RAB40A: variants seen among roughly 807,000 people sequenced by gnomAD.
The protein encoded by RAB40A is ras-related protein Rab-40A.
For missense variants in RAB40A, 145 were observed against 230.2 expected (o/e 0.63, Z 2.40); for synonymous variants, 65 against 99.9 (o/e 0.65, Z 2.08).
rs376972575 is a variant in RAB40A, at chrX:103,519,380, T to C, written c.-233A>G. On this transcript the variant is annotated 5_prime_UTR_variant, in exon 1 of 3. Coordinates refer to ENST00000304236, the MANE Select transcript of RAB40A (RefSeq NM_080879.3). ...TTTGATTTGGAAAACCTTTCTCCTG[T>C]AGCCAGTCCACCTCCATGTGCTTGA... The C allele has an allele frequency of 1.1e-3, 125 of 111,787 alleles. No individual in the cohort carries two copies. The highest frequency in any genetic ancestry group is 4.2e-3 in the East Asian group (15 of 3,564). 9.2% of individuals were successfully genotyped at this position (111,787 alleles called of 1,213,427 possible). A position where few individuals can be genotyped will look rare whatever the true frequency, so the allele number is the denominator to read the frequency against.
chrX:103,512,778 C>T (rs1569377042), intron 2 of RAB40A, among the ~76,000 whole-genome samples: 1 of 111,204 alleles, frequency 9.0e-6, no homozygotes. Context: ...ATTACATTTG[C>T]ATAATATAAC....
intron 2 of RAB40A, among the ~76,000 whole-genome samples, chrX:103,516,723 T>C (rs2073318546): frequency 9.0e-6 from 1 of 111,545 alleles, no homozygotes; most frequent in South Asian, 3.8e-4. Flanking sequence ...TAGATCTTTC[T>C]AAGGATTTTT....
chrX:103,499,900 C>T lies in RAB40A; in HGVS notation c.*23G>A. On this transcript the variant is annotated 3_prime_UTR_variant, in exon 3 of 3. Transcript: ENST00000304236. ...AGAGTTTTTCCTGGAGCGATTCCAG[C>T]TTGTTTCCTTTTGGTGCCTTCCTTA... 8.3e-7 allele frequency: 1 copy of T among 1,205,385 alleles called. No individual in the cohort carries two copies. The highest frequency in any genetic ancestry group is 1.1e-6 in the Non-Finnish European group (1 of 889,983).
chrX:103,503,723 T>C (rs1303346476), intron 2 of RAB40A, among the ~76,000 whole-genome samples: 2 of 111,125 alleles, frequency 1.8e-5, no homozygotes, highest in Non-Finnish European at 3.8e-5. Context: ...TCTGGAATTA[T>C]TCACCTAACG....
In RAB40A at chrX:103,500,911, A is replaced by G. The variant is rs890602726; in HGVS notation, c.-70-85T>C. On this transcript the variant is annotated intron_variant, in intron 2 of 2. Coordinates refer to ENST00000304236, the MANE Select transcript of RAB40A (RefSeq NM_080879.3). ...CGAAATGAGGTGGTGGCTTTGATGG[A>G]TTTCTTTTACAAACCCTAGGAAACT... The G allele has an allele frequency of 1.3e-5, 13 of 1,009,125 alleles. No individual in the cohort carries two copies. In the Admixed American group the frequency reaches 4.3e-4, roughly 33 times the overall value. 83.2% of individuals were successfully genotyped at this position (1,009,125 alleles called of 1,213,427 possible). A position where few individuals can be genotyped will look rare whatever the true frequency, so the allele number is the denominator to read the frequency against.
chrX:103,500,670 C>A lies in RAB40A; in HGVS notation c.87G>T (p.Glu29Asp), dbSNP rs768429730. The change falls in exon 3 of 3, where the codon GAG becomes GAT. Residue 29 changes from glutamate to aspartate, a missense_variant. Physicochemically the swap from Glu to Asp is conservative, Grantham distance 45. Transcript: ENST00000304236. ...CACCATCCTGCAGGCTCTCCAGGAT[C>A]TCACTCTTGCCTACGTCCCTGTCGC... is the stretch of plus-strand genomic sequence containing the variant. ...LVGDRDVGKS[E>D]ILESLQDGAA... 2.2e-5 allele frequency: 26 copies of A among 1,208,352 alleles called. No homozygotes were observed. In the Admixed American group the frequency reaches 5.7e-4, roughly 26 times the overall value.
At chrX:103,517,721 A>C (rs905471638) in intron 1 of RAB40A, among the ~76,000 whole-genome samples, 196 bp from the exon 2 acceptor site, 1 of 112,413 alleles carries the variant, frequency 8.9e-6, no homozygotes, top group African/African-American at 3.2e-5. Context: ...AAAAGATAAA[A>C]AGGCAGAAGC....
At chrX:103,493,416 C>T in the RAB40A span, among the ~76,000 whole-genome samples, 1 of 111,529 alleles carries the variant, frequency 9.0e-6, no homozygotes, top group African/African-American at 3.3e-5. Flanking sequence ...AGCATTTATC[C>T]TTTGTGTTAC....
chrX:103,511,646 A>G (rs1306628921), intron 2 of RAB40A, among the ~76,000 whole-genome samples: 1 of 110,253 alleles, frequency 9.1e-6, no homozygotes. Context: ...GAGTTGAACA[A>G]TGAGAACACA....
At chrX:103,516,938 C>G (rs1050439427) in intron 2 of RAB40A, among the ~76,000 whole-genome samples, 6 of 111,012 alleles carry the variant, frequency 5.4e-5, no homozygotes, top group East Asian at 2.8e-4. Flanking sequence ...TTTAATGAAC[C>G]CTTTACAGCT....
At chrX:103,514,303 T>A (rs1322378641) in intron 2 of RAB40A, among the ~76,000 whole-genome samples, 1 of 112,174 alleles carries the variant, frequency 8.9e-6, no homozygotes, top group African/African-American at 3.2e-5. Context: ...TGTTAATGAT[T>A]ACTCCTTTGT....
intron 2 of RAB40A, among the ~76,000 whole-genome samples, chrX:103,516,472 A>AT (rs943923415): frequency 7.2e-5 from 8 of 111,387 alleles, no homozygotes; most frequent in Admixed American, 1.9e-4. Flanking sequence ...TGTTGCCAGG[A>AT]TTTTTTTGAT....
At chrX:103,504,802 G>A (rs752704128) in intron 2 of RAB40A, among the ~76,000 whole-genome samples, 11 of 112,327 alleles carry the variant, frequency 9.8e-5, no homozygotes, top group East Asian at 5.6e-4. Context: ...GATTCCAGGC[G>A]TGAGCCACCA....
At chrX:103,503,452 T>A in intron 2 of RAB40A, 1 of 751,230 alleles carries the variant, frequency 1.3e-6, no homozygotes, top group Non-Finnish European at 1.6e-6. Flanking sequence ...AGGGAAGAGA[T>A]AAATCAGTGA....
At chrX:103,504,852 A>C (rs1367084761) in intron 2 of RAB40A, among the ~76,000 whole-genome samples, 1 of 112,573 alleles carries the variant, frequency 8.9e-6, no homozygotes, top group Non-Finnish European at 1.9e-5. Flanking sequence ...ATTGCCTTGA[A>C]TATTTTAATT....
rs765895461 is a variant in RAB40A at position 103,499,994 on chromosome X, T to C, written c.763A>G (p.Lys255Glu). ...TGGGGTGGGCAGACGATCTCCACTT[T>C]GCAGAGGCTGCTCTTGTGAGTGGAG... The part of the protein sequence containing the change: ...TSSTHKSSLC[K>E]VEIVCPPQSP... The change falls in exon 3 of 3, where the codon AAA (lysine) becomes GAA (glutamate). Residue 255 changes from lysine (K) to glutamate (E), a missense_variant. Physicochemically the swap from Lys to Glu is moderately conservative, Grantham distance 56. Transcript: ENST00000304236. 70 of 1,207,403 alleles carry C rather than the reference T, an allele frequency of 5.8e-5. No homozygotes were observed. Among genetic ancestry groups the C allele is most frequent in the South Asian group, 5.6e-4 (32 of 56,804 alleles).
At chrX:103,514,011 A>T (rs368498719) in intron 2 of RAB40A, among the ~76,000 whole-genome samples, 1 of 111,582 alleles carries the variant, frequency 9.0e-6, no homozygotes, top group East Asian at 2.8e-4. Flanking sequence ...CTGAAAAATG[A>T]TATGTACCAA....
In RAB40A at chrX:103,517,365, G is replaced by C. The variant is rs1295752850; in HGVS notation, c.-71+9C>G. ...TTAGACCAGAGGCCAACAGAGGGAA[G>C]AGACTCACCCCAAAAACCACAGTCA... On this transcript the variant is annotated intron_variant, in intron 2 of 2. Transcript: ENST00000304236. 9.0e-6 allele frequency: 1 copy of C among 111,093 alleles called. No homozygotes were observed. The highest frequency in any genetic ancestry group is 1.9e-5 in the Non-Finnish European group (1 of 53,030). 9.2% of individuals were successfully genotyped at this position (111,093 alleles called of 1,213,427 possible).
intron 1 of RAB40A, among the ~76,000 whole-genome samples, chrX:103,519,023 CA>C (rs982233891): frequency 9.0e-6 from 1 of 111,460 alleles, no homozygotes; most frequent in African/African-American, 3.3e-5. Context: ...ATCAGCTTAA[CA>C]ATACTTGAAC....
Sources: gnomAD v4.1 joint callset for allele counts (sites outside exome capture counted in the v4.1 genomes callset) on GRCh38, gnomAD v4.1.1 for gene constraint, MANE v1.5 for transcripts, NCBI Gene and HGNC (gene_info 2026-07-23, HGNC 2026-07-21) for gene names.